The following RAB38 variants were observed in gnomAD, a reference collection of about 807,000 sequenced individuals.
The protein encoded by RAB38 is ras-related protein Rab-38.
Under a neutral mutation model 18.4 loss-of-function variants are expected in RAB38, and 15 were observed. That is an observed-to-expected ratio of 0.82 (90% CI 0.55 to 1.26). The LOEUF is 1.26. Ranked by LOEUF, RAB38 falls within the 50% of genes most tolerant of loss-of-function variation. The pLI is 0.00. For synonymous variants in RAB38, 101 were observed against 104.4 expected (o/e 0.97, Z 0.20); for missense variants, 294 against 267.4 (o/e 1.10, Z -0.69).
chr11:88,023,147 C>T, the RAB38 span, among the ~76,000 whole-genome samples: 2 of 151,476 alleles, frequency 1.3e-5, no homozygotes, highest in Non-Finnish European at 2.9e-5. Context: ...TACCCCTAAA[C>T]ATAAAAGTTA....
the RAB38 span, among the ~76,000 whole-genome samples, chr11:87,862,211 T>C: frequency 7.2e-5 from 11 of 151,948 alleles, no homozygotes; most frequent in Admixed American, 7.2e-4. Context: ...CATGCACGGA[T>C]ATGTTCATTG....
the RAB38 span, among the ~76,000 whole-genome samples, chr11:87,900,661 T>TAGGAAGGAAGGAAGGAAGGAAGGAAGGA: frequency 2.3e-5 from 3 of 131,216 alleles, no homozygotes; most frequent in African/African-American, 8.6e-5. Flanking sequence ...GAAAGAAAGG[T>TAGGAAGGAAGGAAGGAAGGAAGGAAGGA]AGGAAGGAAG....
chr11:87,884,644 T>TAAAAAAA, the RAB38 span, among the ~76,000 whole-genome samples: 1 of 151,880 alleles, frequency 6.6e-6, no homozygotes, highest in Non-Finnish European at 1.5e-5. Context: ...AACTGAGCAC[T>TAAAAAAA]AAAATAAATG....
the RAB38 span, among the ~76,000 whole-genome samples, chr11:87,806,550 T>C: frequency 6.6e-5 from 10 of 152,180 alleles, no homozygotes; most frequent in Non-Finnish European, 1.0e-4. Flanking sequence ...ACATTCAGAG[T>C]ATAGAAGCAT....
Position 88,149,758 on chromosome 11 carries a change from C to T in RAB38, c.400G>A (p.Asp134Asn), listed in dbSNP as rs758723669. ...TTGAGGCCATTGTTCATGAGCACAT[C>T]CTTCCCCTGGTCACATTTGTTGGCC... is the stretch of plus-strand genomic sequence containing the variant. ...LLANKCDQGKDVLMNNGLKMD... is the reference protein window; with the variant it reads ...LLANKCDQGKNVLMNNGLKMD... Residue 134 changes from aspartate to asparagine, a missense_variant, in exon 2 of 3, where the codon GAT becomes AAT. Coordinates refer to ENST00000243662, the MANE Select transcript of RAB38 (RefSeq NM_022337.3). 3.1e-6 allele frequency: 5 copies of T among 1,614,152 alleles called. No homozygotes were observed. The South Asian group carries it at 4.4e-5, about 14-fold the overall frequency.
intron 2 of RAB38, among the ~76,000 whole-genome samples, chr11:88,137,973 T>G (rs1942857722): frequency 6.6e-6 from 1 of 152,196 alleles, no homozygotes. Flanking sequence ...GTGTGAGGGT[T>G]AGAAAATATG....
chr11:88,057,238 C>A, the RAB38 span, among the ~76,000 whole-genome samples: 1 of 152,202 alleles, frequency 6.6e-6, no homozygotes, highest in Non-Finnish European at 1.5e-5. Flanking sequence ...ACAAAGGACA[C>A]AGGCATTCAA....
At chr11:88,118,704 G>A (rs1367520272) in intron 2 of RAB38, among the ~76,000 whole-genome samples, 1 of 152,176 alleles carries the variant, frequency 6.6e-6, no homozygotes, top group Non-Finnish European at 1.5e-5. Context: ...TCTGCAGTAT[G>A]ACAAGATGGT....
At chr11:87,963,269 T>C in the RAB38 span, among the ~76,000 whole-genome samples, 1 of 152,294 alleles carries the variant, frequency 6.6e-6, no homozygotes, top group East Asian at 1.9e-4. Flanking sequence ...GCCCTCTGTT[T>C]AGGTGCTTCT....
chr11:87,892,491 T>C, the RAB38 span, among the ~76,000 whole-genome samples: 50 of 151,958 alleles, frequency 3.3e-4, no homozygotes, highest in East Asian at 7.0e-3. Context: ...CTAGTTAAAA[T>C]GCAAATCCAA....
At chr11:87,886,316 A>AGTGTGC in the RAB38 span, among the ~76,000 whole-genome samples, 1 of 149,340 alleles carries the variant, frequency 6.7e-6, no homozygotes, top group South Asian at 2.1e-4. Context: ...CTATGTTGTG[A>AGTGTGC]GTGTGTGTGT....
the RAB38 span, among the ~76,000 whole-genome samples, chr11:87,965,352 A>G: frequency 6.6e-6 from 1 of 151,974 alleles, no homozygotes; most frequent in Non-Finnish European, 1.5e-5. Flanking sequence ...GAGGAGAATG[A>G]TAATTCTCCA....
the RAB38 span, among the ~76,000 whole-genome samples, chr11:88,027,098 G>A: frequency 1.5e-4 from 23 of 151,916 alleles, no homozygotes; most frequent in African/African-American, 4.8e-4. Context: ...TAAAATAAAC[G>A]AAGATTTTAT....
At chr11:88,084,088 C>T in the RAB38 span, among the ~76,000 whole-genome samples, 19 of 151,730 alleles carry the variant, frequency 1.3e-4, no homozygotes, top group East Asian at 2.5e-3. Context: ...TAGTGACTAT[C>T]GAAGAGGAAG....
chr11:87,902,813 T>C, the RAB38 span, among the ~76,000 whole-genome samples: 1 of 151,012 alleles, frequency 6.6e-6, no homozygotes, highest in African/African-American at 2.4e-5. Context: ...AACAGCTCAC[T>C]GACAATATAT....
chr11:88,144,281 G>A (rs1048401246), intron 2 of RAB38, among the ~76,000 whole-genome samples: 1 of 152,138 alleles, frequency 6.6e-6, no homozygotes, highest in Non-Finnish European at 1.5e-5. Flanking sequence ...AGTCAGTGGA[G>A]GTATATCTTA....
chr11:88,029,219 C>T, the RAB38 span, among the ~76,000 whole-genome samples: 1 of 151,666 alleles, frequency 6.6e-6, no homozygotes, highest in African/African-American at 2.4e-5. Flanking sequence ...TAAAAGAGCT[C>T]CTGAAGGAAG....
chr11:87,831,512 G>A, the RAB38 span, among the ~76,000 whole-genome samples: 2 of 152,156 alleles, frequency 1.3e-5, no homozygotes, highest in Non-Finnish European at 2.9e-5. Flanking sequence ...GTTGGGGCAT[G>A]GCATTGTTTA....
the RAB38 span, among the ~76,000 whole-genome samples, chr11:87,922,994 G>A: frequency 3.5e-4 from 53 of 151,690 alleles, no homozygotes; most frequent in African/African-American, 1.3e-3. Flanking sequence ...TAAAAGAATA[G>A]GGGAACAAGG....
Sources: gnomAD v4.1 joint callset for allele counts (sites outside exome capture counted in the v4.1 genomes callset) on GRCh38, gnomAD v4.1.1 for gene constraint, MANE v1.5 for transcripts, NCBI Gene and HGNC (gene_info 2026-07-23, HGNC 2026-07-21) for gene names.